The following MYO5C variants were observed in gnomAD, a reference collection of about 807,000 sequenced individuals.
MYO5C encodes the protein myosin VC.
MYO5C carries 194 observed loss-of-function variants against 235.7 expected under a neutral mutation model. That is an observed-to-expected ratio of 0.82 (90% CI 0.73 to 0.93). MYO5C has a LOEUF of 0.93. MYO5C is among the 40% of genes least tolerant of loss of function. The pLI, the probability that MYO5C is intolerant of heterozygous loss-of-function variation, is 0.00. For synonymous variants in MYO5C, 707 were observed against 754.8 expected (o/e 0.94, Z 1.04); for missense variants, 2,038 against 2,127.2 (o/e 0.96, Z 0.82).
chr15:52,203,818 A>G (rs543513166), intron 38 of MYO5C, among the ~76,000 whole-genome samples: 12 of 151,076 alleles, frequency 7.9e-5, no homozygotes, highest in Non-Finnish European at 1.6e-4. Flanking sequence ...CCATCCTTCT[A>G]CTCTCCATCT....
intron 8 of MYO5C, among the ~76,000 whole-genome samples, chr15:52,265,012 G>C (rs1043987353): frequency 2.2e-4 from 33 of 152,072 alleles, no homozygotes; most frequent in Non-Finnish European, 1.2e-4. Flanking sequence ...TTCTGCTGCT[G>C]CCCCCCAGGT....
At chr15:52,209,016 C>T (rs4776019) in intron 35 of MYO5C, among the ~76,000 whole-genome samples, 6,353 of 152,008 alleles carry the variant, frequency 0.042, 167 homozygotes, top group Non-Finnish European at 0.059. Context: ...GCTCAGAGGA[C>T]GAGGAGAGAG....
intron 3 of MYO5C, among the ~76,000 whole-genome samples, chr15:52,279,222 A>G (rs1445652536): frequency 6.6e-6 from 1 of 152,138 alleles, no homozygotes. Context: ...ACAGGTGGAA[A>G]TGCTCGCAAA....
At chr15:52,267,049 G>A (rs1476566382) in intron 8 of MYO5C, among the ~76,000 whole-genome samples, 1 of 152,242 alleles carries the variant, frequency 6.6e-6, no homozygotes, top group Non-Finnish European at 1.5e-5. Flanking sequence ...CACATGCAGG[G>A]CCCTGAGAGT....
At chr15:52,294,568 T>C (rs1008087457) in intron 1 of MYO5C, among the ~76,000 whole-genome samples, 1 of 152,240 alleles carries the variant, frequency 6.6e-6, no homozygotes, top group Non-Finnish European at 1.5e-5. Flanking sequence ...TCTTTTAAAG[T>C]AGAAAGCTAG....
At chr15:52,215,208 G>C (rs2035527027) in intron 32 of MYO5C, among the ~76,000 whole-genome samples, 1 of 152,192 alleles carries the variant, frequency 6.6e-6, no homozygotes, top group South Asian at 2.1e-4. Flanking sequence ...TTAAAAATAT[G>C]AATGTGGGAA....
At chr15:52,209,647 G>T (rs1475992112) in intron 35 of MYO5C, among the ~76,000 whole-genome samples, 1 of 152,170 alleles carries the variant, frequency 6.6e-6, no homozygotes, top group Non-Finnish European at 1.5e-5. Context: ...ACATTCCAGA[G>T]CATCAAGGGG....
At chr15:52,259,772 C>CT (rs2036653454) in intron 10 of MYO5C, among the ~76,000 whole-genome samples, 1 of 152,264 alleles carries the variant, frequency 6.6e-6, no homozygotes, top group South Asian at 2.1e-4. Flanking sequence ...CCTTGACTGT[C>CT]TCCCATTTGA....
chr15:52,270,142 C>T (rs191024402), intron 7 of MYO5C, among the ~76,000 whole-genome samples: 1 of 152,246 alleles, frequency 6.6e-6, no homozygotes, highest in East Asian at 1.9e-4. Flanking sequence ...ATTAGCTGGA[C>T]ATGGTGGCAC....
rs1313014635 is a variant in MYO5C at position 52,295,696 on chromosome 15, C to T, written c.-60G>A. The T allele has an allele frequency of 7.3e-6, 9 of 1,238,142 alleles. No individual in the cohort carries two copies. The highest frequency in any genetic ancestry group is 7.9e-5 in the Admixed American group (2 of 25,226). The allele number at this position is 1,238,142 out of a possible 1,614,324, so 76.7% of individuals were successfully genotyped here. On this transcript the variant is annotated 5_prime_UTR_variant, in exon 1 of 41. Coordinates refer to ENST00000261839, the MANE Select transcript of MYO5C (RefSeq NM_018728.4). ...GAACGTGCGAGGCTCGGGGGCTGGGCCTGCGCCGCAGAGGCCGGGCGCAGG... is the reference window on the plus strand; with the variant it reads ...GAACGTGCGAGGCTCGGGGGCTGGGTCTGCGCCGCAGAGGCCGGGCGCAGG...
intron 1 of MYO5C, among the ~76,000 whole-genome samples, chr15:52,292,670 C>T (rs1438695425): frequency 1.3e-5 from 2 of 152,254 alleles, no homozygotes; most frequent in African/African-American, 4.8e-5. Context: ...GAAGCTCCCA[C>T]TGTCCCCTGC....
At position 52,272,674 on chromosome 15, in the gene MYO5C, C is replaced by T; in HGVS notation, c.656G>A (p.Gly219Glu). ...ATCAAAACTGATTTCTGTGTATTTC[C>T]CAAACCGACTACTATTGTCATTGCG... ...TTRNDNSSRF[G>E]KYTEISFDEQ... The change falls in exon 6 of 41, where the codon GGG becomes GAG. Residue 219 changes from glycine (G) to glutamate (E), a missense_variant. Physicochemically the swap from Gly to Glu is moderately conservative, Grantham distance 98. Coordinates refer to ENST00000261839, the MANE Select transcript of MYO5C (RefSeq NM_018728.4). 1 of 1,614,098 alleles carries T rather than the reference C, an allele frequency of 6.2e-7. No homozygotes were observed. The highest frequency in any genetic ancestry group is 8.5e-7 in the Non-Finnish European group (1 of 1,180,000).
At chr15:52,278,354 T>A (rs143738809) in intron 4 of MYO5C, among the ~76,000 whole-genome samples, 9 of 152,206 alleles carry the variant, frequency 5.9e-5, no homozygotes, top group African/African-American at 1.7e-4. Context: ...AGATGACACA[T>A]GGGAATGTGT....
At chr15:52,224,877 A>T in intron 28 of MYO5C, 24 bp downstream of exon 28, 1 of 1,587,936 alleles carries the variant, frequency 6.3e-7, no homozygotes, top group East Asian at 2.2e-5. Context: ...AAAATAAAGA[A>T]GATCCCTGAG....
rs1195543942 is a variant in MYO5C at position 52,285,461 on chromosome 15, GTCTCCCTCC to G, written c.28-2578_28-2570del. On this transcript the variant is annotated intron_variant, in intron 1 of 40. Coordinates refer to ENST00000261839, the MANE Select transcript of MYO5C (RefSeq NM_018728.4). Reference sequence around the variant, plus strand: ...TCCCTCTCCCTCCTCTCCCTCTCCCGTCTCCCTCCTCTCCCTCCTCTCCCTCCTCTCCGT... The same window carrying G: ...TCCCTCTCCCTCCTCTCCCTCTCCCGTCTCCCTCCTCTCCCTCCTCTCCGT... Among the ~76,000 whole-genome samples, 405 of 114,050 alleles carry G rather than the reference GTCTCCCTCC, an allele frequency of 3.6e-3. 2 individuals are homozygous for G. The highest frequency in any genetic ancestry group is 4.4e-3 in the East Asian group (19 of 4,330). 74.8% of individuals were successfully genotyped at this position (114,050 alleles called of 152,430 possible).
rs1308569723 is a variant in MYO5C, at chr15:52,223,736, G to T, written c.3447-12C>A. On this transcript the variant is annotated splice_polypyrimidine_tract_variant and intron_variant, in intron 28 of 40. Coordinates refer to ENST00000261839, the MANE Select transcript of MYO5C (RefSeq NM_018728.4). Reference sequence around the variant, plus strand: ...GGCTCTCCAAAACACTATTAAAGGAGGGGTCAAGAAATAAACCACATGGCC... The same window carrying T: ...GGCTCTCCAAAACACTATTAAAGGATGGGTCAAGAAATAAACCACATGGCC... 1.2e-6 allele frequency: 2 copies of T among 1,609,522 alleles called. No homozygotes were observed. Among genetic ancestry groups the T allele is most frequent in the Non-Finnish European group, 1.7e-6 (2 of 1,177,626 alleles).
chr15:52,278,431 C>T (rs547292164), intron 4 of MYO5C, among the ~76,000 whole-genome samples: 1 of 152,176 alleles, frequency 6.6e-6, no homozygotes, highest in African/African-American at 2.4e-5. Flanking sequence ...CTCCACAGGG[C>T]CCTACAAACA....
chr15:52,277,402 T>C (rs747764793), intron 4 of MYO5C, among the ~76,000 whole-genome samples: 6 of 151,926 alleles, frequency 3.9e-5, no homozygotes, highest in Non-Finnish European at 7.4e-5. Flanking sequence ...GGGAAAAATC[T>C]CAGAACCACA....
intron 5 of MYO5C, among the ~76,000 whole-genome samples, chr15:52,274,909 T>C (rs1346415281): frequency 6.6e-6 from 1 of 152,228 alleles, no homozygotes; most frequent in African/African-American, 2.4e-5. Context: ...TCCAAATAAA[T>C]TCAAATCAAT....
Sources: gnomAD v4.1 joint callset for allele counts (sites outside exome capture counted in the v4.1 genomes callset) on GRCh38, gnomAD v4.1.1 for gene constraint, MANE v1.5 for transcripts, NCBI Gene and HGNC (gene_info 2026-07-23, HGNC 2026-07-21) for gene names.